ZNF827: variants seen among roughly 807,000 people sequenced by gnomAD.
ZNF827 encodes the protein zinc finger protein 827.
In ZNF827, 13 loss-of-function variants were observed where a neutral mutation model predicts 102.4. The ratio of observed to expected loss-of-function variants is 0.13; its 90% CI spans 0.08 to 0.20. ZNF827 has a LOEUF of 0.20. Ranked by LOEUF, ZNF827 falls within the 10% of genes least tolerant of loss-of-function variation. ZNF827 has a pLI of 1.00. For synonymous variants in ZNF827, 523 were observed against 536.2 expected (o/e 0.98, Z 0.34); for missense variants, 1,103 against 1,344.4 (o/e 0.82, Z 2.81).
At chr4:145,801,669 G>C (rs1224494442) in intron 8 of ZNF827, among the ~76,000 whole-genome samples, 3 of 152,164 alleles carry the variant, frequency 2.0e-5, no homozygotes, top group African/African-American at 7.2e-5. Context: ...ATGATTGTCA[G>C]GGCGTGGGAA....
At chr4:145,914,309 G>A (rs2126937112) in intron 1 of ZNF827, among the ~76,000 whole-genome samples, 1 of 152,204 alleles carries the variant, frequency 6.6e-6, no homozygotes, top group Non-Finnish European at 1.5e-5. Flanking sequence ...AAGCTGCAAG[G>A]AGGCAGCTTC....
intron 6 of ZNF827, among the ~76,000 whole-genome samples, chr4:145,846,469 C>T (rs1278652369): frequency 6.8e-6 from 1 of 147,366 alleles, no homozygotes; most frequent in African/African-American, 2.5e-5. Flanking sequence ...CAGAGCAAGA[C>T]TCTGTCTCAA....
intron 13 of ZNF827, chr4:145,764,717 G>A (rs898442989): frequency 3.4e-5 from 16 of 476,078 alleles, no homozygotes; most frequent in Admixed American, 1.4e-4. Context: ...GTCTATTCTT[G>A]CATGCTGGGT....
intron 8 of ZNF827, among the ~76,000 whole-genome samples, chr4:145,800,462 T>C (rs1183155271): frequency 6.6e-6 from 1 of 151,472 alleles, no homozygotes; most frequent in Non-Finnish European, 1.5e-5. Context: ...CAAGCAAGCC[T>C]CCCACCTTAG....
chr4:145,908,153 C>T (rs747775469), intron 1 of ZNF827, among the ~76,000 whole-genome samples: 5 of 152,116 alleles, frequency 3.3e-5, no homozygotes, highest in African/African-American at 1.2e-4. Flanking sequence ...ATTGTGAGTG[C>T]ACAGTGAAAA....
rs146369117 is a variant in ZNF827, at chr4:145,917,726, AG to A, written c.44-14512del. Among the ~76,000 whole-genome samples, 460 of 141,830 alleles carry A rather than the reference AG, an allele frequency of 3.2e-3. 55 individuals are homozygous for A. The highest frequency in any genetic ancestry group is 5.3e-3 in the African/African-American group (192 of 36,314). 93.0% of individuals were successfully genotyped at this position (141,830 alleles called of 152,430 possible). A position where few individuals can be genotyped will look rare whatever the true frequency, so the allele number is the denominator to read the frequency against. On this transcript the variant is annotated intron_variant, in intron 1 of 14. Transcript: ENST00000508784. Reference sequence around the variant, plus strand: ...AAAAAAAAAAAAAAAAAAAAAAAAAAGAAAAGAAAAAACAACATTCATATGC... The same window carrying A: ...AAAAAAAAAAAAAAAAAAAAAAAAAAAAAAGAAAAAACAACATTCATATGC...
intron 4 of ZNF827, among the ~76,000 whole-genome samples, chr4:145,884,585 T>C (rs940570150): frequency 3.3e-5 from 5 of 151,986 alleles, no homozygotes; most frequent in Non-Finnish European, 5.9e-5. Context: ...AAAATCATAC[T>C]CTTAAAAGCG....
intron 7 of ZNF827, among the ~76,000 whole-genome samples, chr4:145,830,265 C>CA (rs1486368626): frequency 2.9e-5 from 4 of 136,554 alleles, no homozygotes; most frequent in Non-Finnish European, 3.1e-5. Flanking sequence ...TGCCAAAAGA[C>CA]AAAAAAAGTG....
At chr4:145,892,683 A>T (rs1750696917) in intron 2 of ZNF827, among the ~76,000 whole-genome samples, 1 of 152,240 alleles carries the variant, frequency 6.6e-6, no homozygotes, top group Non-Finnish European at 1.5e-5. Context: ...AAGGCCATCC[A>T]ACACTAAGGA....
chr4:145,933,034 C>G (rs1014259857), intron 1 of ZNF827, among the ~76,000 whole-genome samples: 1 of 152,234 alleles, frequency 6.6e-6, no homozygotes, highest in Non-Finnish European at 1.5e-5. Flanking sequence ...CTTTGTGCAG[C>G]AAGACTTGTC....
At chr4:145,844,794 A>G (rs1427184766) in intron 7 of ZNF827, among the ~76,000 whole-genome samples, 1 of 152,172 alleles carries the variant, frequency 6.6e-6, no homozygotes, top group Non-Finnish European at 1.5e-5. Context: ...TGACATTCCT[A>G]AACTCCAATT....
intron 8 of ZNF827, among the ~76,000 whole-genome samples, chr4:145,789,145 G>A (rs1349252649): frequency 1.3e-5 from 2 of 152,154 alleles, no homozygotes; most frequent in African/African-American, 4.8e-5. Flanking sequence ...GAAAGCCATT[G>A]ATAAGGGTGG....
chr4:145,772,263 T>TA (rs1357731472), intron 11 of ZNF827, among the ~76,000 whole-genome samples: 2 of 152,360 alleles, frequency 1.3e-5, no homozygotes, highest in African/African-American at 4.8e-5. Context: ...GGTGCTGAGA[T>TA]ACAGCAGTGA....
chr4:145,868,756 A>G (rs1748425696), intron 5 of ZNF827, among the ~76,000 whole-genome samples: 1 of 152,202 alleles, frequency 6.6e-6, no homozygotes, highest in African/African-American at 2.4e-5. Context: ...CACCTGCTGC[A>G]CAGCAAACTC....
At chr4:145,853,675 G>A (rs1346617498) in intron 5 of ZNF827, among the ~76,000 whole-genome samples, 1 of 152,108 alleles carries the variant, frequency 6.6e-6, no homozygotes, top group Admixed American at 6.6e-5. Context: ...GCTGACTGTA[G>A]TCTGAATTAA....
At chr4:145,846,057 C>A in intron 6 of ZNF827, 44 bp from the exon 7 acceptor site, 2 of 1,595,234 alleles carry the variant, frequency 1.3e-6, no homozygotes, top group South Asian at 1.1e-5. Flanking sequence ...AGGTTGTTCT[C>A]ACTCAACTTG....
intron 7 of ZNF827, among the ~76,000 whole-genome samples, chr4:145,843,244 C>T (rs1467787944): frequency 1.3e-5 from 2 of 151,390 alleles, no homozygotes; most frequent in African/African-American, 4.8e-5. Flanking sequence ...AAAACCACAC[C>T]GAGGACTTTG....
intron 8 of ZNF827, among the ~76,000 whole-genome samples, chr4:145,781,218 G>GAAAA (rs1560914681): frequency 2.8e-5 from 2 of 70,852 alleles, no homozygotes; most frequent in African/African-American, 5.7e-5. Flanking sequence ...AAAAAAAAAA[G>GAAAA]AAAAAAAAAG....
At chr4:145,914,241 A>C (rs1315864124) in intron 1 of ZNF827, among the ~76,000 whole-genome samples, 1 of 152,228 alleles carries the variant, frequency 6.6e-6, no homozygotes, top group African/African-American at 2.4e-5. Context: ...CAAGAGACTT[A>C]GCAAGGGAAA....
Sources: allele counts gnomAD v4.1 joint callset (sites outside exome capture counted in the v4.1 genomes callset), GRCh38; gene constraint gnomAD v4.1.1; transcripts MANE v1.5; gene names NCBI Gene and HGNC (gene_info 2026-07-23, HGNC 2026-07-21).